TMEM108: variants seen among roughly 807,000 people sequenced by gnomAD.
The protein encoded by TMEM108 is transmembrane protein 108.
In TMEM108, 12 loss-of-function variants were observed where a neutral mutation model predicts 35.1. The ratio of observed to expected loss-of-function variants is 0.34; its 90% CI spans 0.22 to 0.55. TMEM108 has a LOEUF of 0.55. Ranked by LOEUF, TMEM108 falls within the 20% of genes least tolerant of loss-of-function variation. The pLI, the probability that TMEM108 is intolerant of heterozygous loss-of-function variation, is 0.89. For missense variants in TMEM108, 680 were observed against 753.3 expected, an observed-to-expected ratio of 0.90 and a Z score of 1.14; for synonymous variants, 287 against 308.6, an observed-to-expected ratio of 0.93 and a Z score of 0.73.
chr3:133,172,641 A>G (rs1945147034), intron 2 of TMEM108, among the ~76,000 whole-genome samples: 1 of 152,224 alleles, frequency 6.6e-6, no homozygotes, highest in Non-Finnish European at 1.5e-5. Flanking sequence ...ATAGAATGCA[A>G]CTTAGGTTTA....
intron 2 of TMEM108, among the ~76,000 whole-genome samples, chr3:133,080,383 G>A (rs1943794275): frequency 6.6e-6 from 1 of 152,184 alleles, no homozygotes; most frequent in Admixed American, 6.5e-5. Context: ...AAAGTATGAT[G>A]CAGAAACTAA....
intron 2 of TMEM108, among the ~76,000 whole-genome samples, chr3:133,210,120 A>G (rs1945814898): frequency 1.3e-5 from 2 of 152,128 alleles, no homozygotes; most frequent in Admixed American, 1.3e-4. Flanking sequence ...TTATCATCCC[A>G]CTTCCTCCAT....
At chr3:133,332,591 G>T (rs553941965) in intron 3 of TMEM108, among the ~76,000 whole-genome samples, 1 of 152,300 alleles carries the variant, frequency 6.6e-6, no homozygotes, top group South Asian at 2.1e-4. Context: ...TTCTGATGCT[G>T]TGGTAATTAG....
At chr3:133,169,227 A>G (rs1186753639) in intron 2 of TMEM108, among the ~76,000 whole-genome samples, 2 of 152,234 alleles carry the variant, frequency 1.3e-5, no homozygotes, top group Admixed American at 1.3e-4. Flanking sequence ...TAAGTTTCCA[A>G]CAAATGAACT....
chr3:133,173,841 G>A (rs1200728358), intron 2 of TMEM108, among the ~76,000 whole-genome samples: 1 of 152,214 alleles, frequency 6.6e-6, no homozygotes, highest in Non-Finnish European at 1.5e-5. Flanking sequence ...GCTGGACAGT[G>A]GGTGCAGTGC....
At chr3:133,116,352 C>A (rs1353062375) in intron 2 of TMEM108, among the ~76,000 whole-genome samples, 1 of 152,056 alleles carries the variant, frequency 6.6e-6, no homozygotes, top group Admixed American at 6.6e-5. Context: ...CTTCTTAGTG[C>A]CTTAAACTAG....
intron 2 of TMEM108, among the ~76,000 whole-genome samples, chr3:133,202,085 A>T (rs1024253973): frequency 6.6e-6 from 1 of 152,200 alleles, no homozygotes; most frequent in Admixed American, 6.5e-5. Flanking sequence ...TTTGTTGGCT[A>T]TATAAATGTC....
At chr3:133,358,318 C>T (rs558906374) in intron 3 of TMEM108, among the ~76,000 whole-genome samples, 10 of 152,006 alleles carry the variant, frequency 6.6e-5, no homozygotes, top group African/African-American at 2.2e-4. Flanking sequence ...ATTACAAGCG[C>T]GAACCACTAC....
At chr3:133,220,923 C>A (rs1159492846) in intron 2 of TMEM108, among the ~76,000 whole-genome samples, 2 of 152,188 alleles carry the variant, frequency 1.3e-5, no homozygotes, top group East Asian at 3.8e-4. Context: ...AAGTGCTTTA[C>A]TTACATGTAC....
At chr3:133,098,775 C>T (rs1944049416) in intron 2 of TMEM108, among the ~76,000 whole-genome samples, 2 of 152,176 alleles carry the variant, frequency 1.3e-5, no homozygotes, top group Non-Finnish European at 2.9e-5. Flanking sequence ...CTCCAGGTCT[C>T]GCTGATGCAA....
chr3:133,252,114 G>C (rs1225507732), intron 3 of TMEM108, among the ~76,000 whole-genome samples: 1 of 152,082 alleles, frequency 6.6e-6, no homozygotes, highest in Non-Finnish European at 1.5e-5. Flanking sequence ...TGACTGACCA[G>C]AACCACCTTA....
intron 2 of TMEM108, among the ~76,000 whole-genome samples, chr3:133,069,626 CCCTTAG>C (rs1576302200): frequency 6.6e-6 from 1 of 152,162 alleles, no homozygotes; most frequent in Non-Finnish European, 1.5e-5. Flanking sequence ...CCAAACTCCT[CCCTTAG>C]CCTGCCCTTA....
At chr3:133,308,017 G>C (rs2071068931) in intron 3 of TMEM108, among the ~76,000 whole-genome samples, 1 of 152,040 alleles carries the variant, frequency 6.6e-6, no homozygotes, top group Admixed American at 6.5e-5. Flanking sequence ...CCATTTGTTT[G>C]TGTCCTCTTT....
chr3:133,168,925 C>G (rs1945086194), intron 2 of TMEM108, among the ~76,000 whole-genome samples: 1 of 152,100 alleles, frequency 6.6e-6, no homozygotes, highest in Non-Finnish European at 1.5e-5. Context: ...CTGTAACACT[C>G]ACGTGAAGGT....
At chr3:133,349,353 A>G (rs1194679571) in intron 3 of TMEM108, among the ~76,000 whole-genome samples, 1 of 152,152 alleles carries the variant, frequency 6.6e-6, no homozygotes, top group Non-Finnish European at 1.5e-5. Context: ...ATTATTTAAA[A>G]TAGTAGACCA....
intron 2 of TMEM108, among the ~76,000 whole-genome samples, chr3:133,079,362 G>A (rs761463450): frequency 3.3e-5 from 5 of 152,148 alleles, no homozygotes; most frequent in Admixed American, 6.6e-5. Context: ...GCCTTAGTCC[G>A]TTTGGGTTGC....
chr3:133,284,381 C>T (rs62279002), intron 3 of TMEM108, among the ~76,000 whole-genome samples: 46,647 of 152,054 alleles, frequency 0.31, 7,889 homozygotes, highest in East Asian at 0.47. Flanking sequence ...TAGAAAGGGC[C>T]GTTTGTTCAA....
rs2071362996 is a variant in TMEM108, at chr3:133,328,977, C to CA, written c.41-50774dup. Among the ~76,000 whole-genome samples the CA allele has an allele frequency of 2.0e-5, 3 of 152,126 alleles. No individual in the cohort carries two copies. The South Asian group carries it at 6.2e-4, about 32-fold the overall frequency. On this transcript the variant is annotated intron_variant, in intron 3 of 5. Coordinates refer to ENST00000321871, the MANE Select transcript of TMEM108 (RefSeq NM_023943.4). ...GCCTCTGTTTTAAACCTTATTACAT[C>CA]ATGGTGGTATTTATTTATCTGTATG...
intron 2 of TMEM108, among the ~76,000 whole-genome samples, chr3:133,070,744 T>G (rs548057040): frequency 3.7e-5 from 5 of 136,724 alleles, no homozygotes; most frequent in Non-Finnish European, 7.8e-5. Context: ...TTCTCTGATG[T>G]ATGTGTGTGT....
Sources: allele counts gnomAD v4.1 joint callset (sites outside exome capture counted in the v4.1 genomes callset), GRCh38; gene constraint gnomAD v4.1.1; transcripts MANE v1.5; gene names NCBI Gene and HGNC (gene_info 2026-07-23, HGNC 2026-07-21).